CUBN: variants seen among roughly 807,000 people sequenced by gnomAD.
CUBN encodes cubilin.
CUBN carries 282 observed loss-of-function variants against 405.3 expected under a neutral mutation model. That is an observed-to-expected ratio of 0.70 (90% confidence interval 0.63 to 0.77). The LOEUF (loss-of-function observed/expected upper bound fraction) is 0.77. Among genes scored for constraint, CUBN ranks in the 30% least tolerant of loss-of-function variants. The pLI is 0.00. For synonymous variants in CUBN, 1,684 were observed against 1,617.0 expected (o/e 1.04, Z -0.99); for missense variants, 4,514 against 4,475.2 (o/e 1.01, Z -0.25).
At chr10:16,909,132 G>A (rs1185237623) in intron 48 of CUBN, among the ~76,000 whole-genome samples, 1 of 151,764 alleles carries the variant, frequency 6.6e-6, no homozygotes, top group African/African-American at 2.4e-5. Flanking sequence ...TGATCCACCC[G>A]CCTCGGCCTC....
At position 16,906,272 on chromosome 10, in the gene CUBN, T is replaced by C. The variant is rs371948106; in HGVS notation, c.7843A>G (p.Ile2615Val). ...TCTAGGTAAAAATCTTCAAAGTGAA[T>C]GGAAATGGATGAATTTCCCTGATTT... is the stretch of plus-strand genomic sequence containing the variant. ...NPNQGNSSIS[I>V]HFEDFYLESH... The change falls in exon 50 of 67, where the codon ATT becomes GTT. Residue 2615 changes from isoleucine to valine, a missense_variant. Coordinates refer to ENST00000377833, the MANE Select transcript of CUBN (RefSeq NM_001081.4). 2 of 1,613,994 alleles carry C rather than the reference T, an allele frequency of 1.2e-6. No homozygotes were observed. The highest frequency in any genetic ancestry group is 1.7e-6 in the Non-Finnish European group (2 of 1,179,926).
At chr10:16,881,449 A>C (rs186790311) in intron 56 of CUBN, among the ~76,000 whole-genome samples, 172 of 152,340 alleles carry the variant, frequency 1.1e-3, no homozygotes, top group African/African-American at 3.9e-3. Context: ...ATCAAAACTC[A>C]TCAACAATTT....
At chr10:16,833,752 C>T (rs1399761169) in intron 64 of CUBN, among the ~76,000 whole-genome samples, 3 of 152,122 alleles carry the variant, frequency 2.0e-5, no homozygotes, top group Non-Finnish European at 2.9e-5. Flanking sequence ...AGCAGAGGCC[C>T]GCTAGAAAGA....
chr10:17,090,652 A>G (rs912162129), intron 14 of CUBN, among the ~76,000 whole-genome samples: 2 of 152,104 alleles, frequency 1.3e-5, no homozygotes, highest in African/African-American at 4.8e-5. Flanking sequence ...TATTTTAAAT[A>G]CACAAAAAAG....
In CUBN at chr10:17,084,418, T is replaced by C; in HGVS notation, c.2154A>G (p.Glu718=). 6.2e-7 allele frequency: 1 copy of C among 1,613,924 alleles called. No individual in the cohort carries two copies. Among genetic ancestry groups the C allele is most frequent in the Non-Finnish European group, 8.5e-7 (1 of 1,179,976 alleles). The change falls in exon 17 of 67, where the codon GAA becomes GAG. Residue 718 remains glutamate, a synonymous_variant. Coordinates refer to ENST00000377833, the MANE Select transcript of CUBN (RefSeq NM_001081.4). ...CGGNYTDPEG[E]LFLPELSGPF... ...GCCCAGACAACTCAGGCAAGAAGAG[T>C]TCACCCTCTGGGTCCGTGTAGTTCC... is the stretch of plus-strand genomic sequence containing the variant.
Position 16,851,416 on chromosome 10 carries a change from A to C in CUBN, c.9482T>G (p.Leu3161Arg). The C allele has an allele frequency of 6.2e-7, 1 of 1,614,188 alleles. No individual in the cohort carries two copies. Among genetic ancestry groups the C allele is most frequent in the Non-Finnish European group, 8.5e-7 (1 of 1,180,020 alleles). ...GGCAAAGGTATTATTCGAGCCTGTCAGATAACCACCACATCCTTGCTGAGG... is the reference window on the plus strand; with the variant it reads ...GGCAAAGGTATTATTCGAGCCTGTCCGATAACCACCACATCCTTGCTGAGG... ...LGPQQGCGGY[L>R]TGSNNTFASP... Residue 3161 changes from leucine (L) to arginine (R), a missense_variant, in exon 60 of 67, where the codon CTG (leucine) becomes CGG (arginine). By Grantham distance (102) the Leu-to-Arg change is moderately radical. This residue lies in a region of CUBN where 1,186 missense variants were observed against 1,186.9 expected (regional missense o/e 1.00). Coordinates refer to ENST00000377833, the MANE Select transcript of CUBN (RefSeq NM_001081.4).
chr10:16,989,759 C>A (rs1038543047), intron 29 of CUBN, among the ~76,000 whole-genome samples: 1 of 152,130 alleles, frequency 6.6e-6, no homozygotes, highest in Non-Finnish European at 1.5e-5. Flanking sequence ...ACCTAGGTGG[C>A]CATTTTTTTA....
intron 62 of CUBN, among the ~76,000 whole-genome samples, chr10:16,839,496 C>T (rs984881503): frequency 1.4e-5 from 2 of 148,112 alleles, no homozygotes; most frequent in African/African-American, 4.9e-5. Flanking sequence ...CAGAGAAATG[C>T]AAATCAAAAC....
Position 16,824,798 on chromosome 10 carries a change from G to T in CUBN, c.*177C>A, listed in dbSNP as rs886046860. 31 of 614,632 alleles carry T rather than the reference G, an allele frequency of 5.0e-5. No homozygotes were observed. The highest frequency in any genetic ancestry group is 3.0e-4 in the Admixed American group (14 of 46,786). The allele number at this position is 614,632 out of a possible 1,614,324, so 38.1% of individuals were successfully genotyped here. A position where few individuals can be genotyped will look rare whatever the true frequency, so the allele number is the denominator to read the frequency against. ...GCCTCCCAAAGTGCTGAGAATACAGGGGGGTGAGCCACCACGCCTGGCCTA... is the reference window on the plus strand; with the variant it reads ...GCCTCCCAAAGTGCTGAGAATACAGTGGGGTGAGCCACCACGCCTGGCCTA... On this transcript the variant is annotated 3_prime_UTR_variant, in exon 67 of 67. Transcript: ENST00000377833.
intron 56 of CUBN, among the ~76,000 whole-genome samples, chr10:16,877,418 G>A (rs780842): frequency 0.47 from 71,536 of 151,962 alleles, 19,069 homozygotes; most frequent in Middle Eastern, 0.63. Context: ...AAGAACACCT[G>A]GCACTATCTG....
At chr10:16,865,626 C>A (rs1166934656) in intron 59 of CUBN, among the ~76,000 whole-genome samples, 1 of 151,994 alleles carries the variant, frequency 6.6e-6, no homozygotes, top group African/African-American at 2.4e-5. Context: ...TTGTAAAATG[C>A]ACCAATCAAC....
chr10:17,051,193 C>G (rs891993888), intron 22 of CUBN, among the ~76,000 whole-genome samples: 7 of 151,918 alleles, frequency 4.6e-5, no homozygotes, highest in Non-Finnish European at 1.0e-4. Context: ...AACACCATCT[C>G]TACTAAAAAT....
chr10:17,061,463 C>A (rs1835503373), intron 22 of CUBN, among the ~76,000 whole-genome samples: 1 of 152,184 alleles, frequency 6.6e-6, no homozygotes, highest in East Asian at 1.9e-4. Context: ...ACACTACACT[C>A]CCAAACTGAA....
chr10:16,883,590 A>G (rs1564402042), intron 56 of CUBN, among the ~76,000 whole-genome samples: 1 of 152,252 alleles, frequency 6.6e-6, no homozygotes, highest in Non-Finnish European at 1.5e-5. Flanking sequence ...TGATGGGGAA[A>G]AAAATGTCAA....
chr10:16,843,359 C>G (rs1839413961), intron 60 of CUBN, among the ~76,000 whole-genome samples: 1 of 152,202 alleles, frequency 6.6e-6, no homozygotes, highest in Admixed American at 6.5e-5. Context: ...GGCCTCAGAA[C>G]AGCCATGACC....
intron 22 of CUBN, among the ~76,000 whole-genome samples, chr10:17,061,789 G>C (rs951214064): frequency 1.3e-5 from 2 of 152,190 alleles, no homozygotes; most frequent in Non-Finnish European, 2.9e-5. Flanking sequence ...ATCCACCACA[G>C]TTTGATGATA....
intron 54 of CUBN, among the ~76,000 whole-genome samples, chr10:16,894,353 C>T (rs1213587952): frequency 1.3e-5 from 2 of 151,866 alleles, no homozygotes; most frequent in African/African-American, 4.8e-5. Context: ...ACTTTTCAGT[C>T]TATCATCTAT....
intron 28 of CUBN, among the ~76,000 whole-genome samples, chr10:16,998,987 A>G (rs1176792276): frequency 6.6e-6 from 1 of 152,220 alleles, no homozygotes; most frequent in East Asian, 1.9e-4. Flanking sequence ...TTATTCGACT[A>G]ATTTCTATAC....
At chr10:16,993,151 C>T (rs1049541970) in intron 28 of CUBN, among the ~76,000 whole-genome samples, 2 of 152,132 alleles carry the variant, frequency 1.3e-5, no homozygotes, top group African/African-American at 4.8e-5. Flanking sequence ...CTTGCATTTT[C>T]AGCTCAGATG....
Sources: allele counts gnomAD v4.1 joint callset (sites outside exome capture counted in the v4.1 genomes callset), GRCh38; gene constraint gnomAD v4.1.1; regional missense constraint gnomAD v4.1.1; transcripts MANE v1.5; gene names NCBI Gene and HGNC (gene_info 2026-07-23, HGNC 2026-07-21).